Variants in RADIL observed in about 807,000 individuals in gnomAD.
RADIL encodes the protein Rap associating with DIL domain.
RADIL carries 99 observed loss-of-function variants against 97.6 expected under a neutral mutation model. The observed-to-expected ratio is 1.01, with a 90% CI of 0.86 to 1.20. The LOEUF (loss-of-function observed/expected upper bound fraction) is 1.20. Among genes scored for constraint, RADIL ranks in the 50% most tolerant of loss-of-function variants. The pLI is 0.00. For missense variants in RADIL, 1,765 were observed against 1,498.9 expected, an observed-to-expected ratio of 1.18 and a Z score of -2.93; for synonymous variants, 803 against 691.8, an observed-to-expected ratio of 1.16 and a Z score of -2.52.
rs528629447 is a variant in RADIL, at chr7:4,825,615, G to A, written c.1455-3061C>T. Among the ~76,000 whole-genome samples, 373 of 151,900 alleles carry A rather than the reference G, an allele frequency of 2.5e-3. 3 individuals are homozygous for A. The highest frequency in any genetic ancestry group is 8.7e-3 in the African/African-American group (359 of 41,462). On this transcript the variant is annotated intron_variant, in intron 5 of 14. Transcript: ENST00000399583. ...AAAAAAGCCGGGTGCGGTGGCTCAC[G>A]CCTGTAATCCCAGCACTTTGGGAGG...
intron 2 of RADIL, among the ~76,000 whole-genome samples, chr7:4,871,947 G>A (rs1217457644): frequency 1.3e-5 from 2 of 152,134 alleles, no homozygotes; most frequent in East Asian, 3.9e-4. Context: ...TCTTTACAAA[G>A]TGCGCATCCA....
At chr7:4,852,338 C>G (rs1256265699) in intron 2 of RADIL, among the ~76,000 whole-genome samples, 1 of 152,190 alleles carries the variant, frequency 6.6e-6, no homozygotes, top group African/African-American at 2.4e-5. Flanking sequence ...GAGACTACCC[C>G]AGGCCTTGGA....
chr7:4,833,696 G>T (rs1308183959), intron 4 of RADIL, among the ~76,000 whole-genome samples: 1 of 152,210 alleles, frequency 6.6e-6, no homozygotes, highest in Non-Finnish European at 1.5e-5. Flanking sequence ...GATAAGCGGG[G>T]CCCAGACTAG....
chr7:4,837,090 C>T lies in RADIL; in HGVS notation c.536-485G>A, dbSNP rs1022508040. On this transcript the variant is annotated intron_variant, in intron 2 of 14. Transcript: ENST00000399583. The surrounding 1 kb of genome is among the most constrained non-coding windows in gnomAD (Gnocchi z 5.6). ...GACTCTGCCCTCTAGCCACGCCCCT[C>T]GAAAAACCAGACAGTGCCTTGGCAC... 1.3e-5 allele frequency among the ~76,000 whole-genome samples: 2 copies of T among 152,178 alleles called. No homozygotes were observed. Among genetic ancestry groups the T allele is most frequent in the Non-Finnish European group, 2.9e-5 (2 of 68,026 alleles).
rs1174291241 is a variant in RADIL, at chr7:4,817,708, G to C, written c.1616-357C>G. 2.0e-5 allele frequency among the ~76,000 whole-genome samples: 3 copies of C among 152,184 alleles called. No homozygotes were observed. The highest frequency in any genetic ancestry group is 7.2e-5 in the African/African-American group (3 of 41,448). On this transcript the variant is annotated intron_variant, in intron 6 of 14. Coordinates refer to ENST00000399583, the MANE Select transcript of RADIL (RefSeq NM_018059.5). The surrounding 1 kb of genome is among the most constrained non-coding windows in gnomAD (Gnocchi z 8.3). ...AGCAGGTCCTAACTGCCTCCCCACA[G>C]GTCACCTCTCACTCGCGACACGGGT...
At chr7:4,874,865 C>G (rs1176791676) in intron 2 of RADIL, among the ~76,000 whole-genome samples, 1 of 152,132 alleles carries the variant, frequency 6.6e-6, no homozygotes, top group African/African-American at 2.4e-5. Flanking sequence ...CGAGACCAGC[C>G]TGGCCAACAT....
chr7:4,817,366 C>CCAA lies in RADIL; in HGVS notation c.1616-16_1616-15insTTG. 6.2e-7 allele frequency: 1 copy of CCAA among 1,606,068 alleles called. No homozygotes were observed. Among genetic ancestry groups the CCAA allele is most frequent in the Non-Finnish European group, 8.5e-7 (1 of 1,176,344 alleles). Reference sequence around the variant, plus strand: ...TTCCTTCGAGCCTGCCGGGAGACAGCCACGCCAATGGTCACAACGGGCACA... The same window carrying CCAA: ...TTCCTTCGAGCCTGCCGGGAGACAGCCAACACGCCAATGGTCACAACGGGCACA... On this transcript the variant is annotated splice_polypyrimidine_tract_variant and intron_variant, in intron 6 of 14. Transcript: ENST00000399583. The surrounding 1 kb of genome is among the most constrained non-coding windows in gnomAD (Gnocchi z 8.3).
At chr7:4,826,160 A>T (rs1226035751) in intron 5 of RADIL, among the ~76,000 whole-genome samples, 1 of 151,964 alleles carries the variant, frequency 6.6e-6, no homozygotes, top group Non-Finnish European at 1.5e-5. Context: ...GTGAGCTCTG[A>T]CTGTACCACT....
At position 4,858,354 on chromosome 7, in the gene RADIL, T is replaced by A. The variant is rs530984179; in HGVS notation, c.535+19251A>T. 6.6e-5 allele frequency: 10 copies of A among 152,358 alleles called. No homozygotes were observed. The South Asian group carries it at 2.1e-3, about 32-fold the overall frequency. 9.4% of individuals were successfully genotyped at this position (152,358 alleles called of 1,614,324 possible). ...TAGATTAAGAAAGACTCAACTTTCA[T>A]TCATTCACATCTGTTGCCCCTCACA... On this transcript the variant is annotated intron_variant, in intron 2 of 14. Coordinates refer to ENST00000399583, the MANE Select transcript of RADIL (RefSeq NM_018059.5).
At chr7:4,877,019 A>G (rs141433993) in intron 2 of RADIL, among the ~76,000 whole-genome samples, 296 of 152,350 alleles carry the variant, frequency 1.9e-3, no homozygotes, top group African/African-American at 6.8e-3. Flanking sequence ...GCTATGGTCA[A>G]TGAGATGACT....
intron 2 of RADIL, among the ~76,000 whole-genome samples, chr7:4,865,214 A>T (rs1168541584): frequency 6.6e-6 from 1 of 152,218 alleles, no homozygotes; most frequent in African/African-American, 2.4e-5. Context: ...CCCATTCCAA[A>T]TGAGCACATG....
In RADIL at chr7:4,798,580, C is replaced by A; in HGVS notation, c.*798G>T. 1 of 152,846 alleles carries A rather than the reference C, an allele frequency of 6.5e-6. No individual in the cohort carries two copies. The highest frequency in any genetic ancestry group is 1.9e-4 in the South Asian group (1 of 5,216). 9.5% of individuals were successfully genotyped at this position (152,846 alleles called of 1,614,324 possible). A position where few individuals can be genotyped will look rare whatever the true frequency, so the allele number is the denominator to read the frequency against. Reference sequence around the variant, plus strand: ...GCCCTGCCCTGGTCCTGCGCATGGTCAGCCAGCTGGTGGAGAGGGACGCTG... The same window carrying A: ...GCCCTGCCCTGGTCCTGCGCATGGTAAGCCAGCTGGTGGAGAGGGACGCTG... On this transcript the variant is annotated 3_prime_UTR_variant, in exon 15 of 15. Transcript: ENST00000399583.
At chr7:4,881,354 G>A (rs1271294193) in intron 1 of RADIL, among the ~76,000 whole-genome samples, 1 of 147,600 alleles carries the variant, frequency 6.8e-6, no homozygotes, top group Non-Finnish European at 1.5e-5. Context: ...GGCGGAGCTT[G>A]CAGTGAGCCA....
intron 2 of RADIL, among the ~76,000 whole-genome samples, chr7:4,862,691 AGGAGTTGGAGACCAGCCTCAACAT>A (rs578093998): frequency 2.4e-3 from 373 of 152,288 alleles, no homozygotes; most frequent in Middle Eastern, 6.8e-3. Flanking sequence ...ACCTGAGGTC[AGGAGTTGGAGACCAGCCTCAACAT>A]GGAGAAACCC....
At chr7:4,805,984 G>C in intron 9 of RADIL, 1 of 985,472 alleles carries the variant, frequency 1.0e-6, no homozygotes, top group Non-Finnish European at 1.2e-6. Flanking sequence ...GCAAGGGCCG[G>C]CCTCACAGGC....
In RADIL at chr7:4,819,496, A is replaced by C. The variant is rs940706358; in HGVS notation, c.1616-2145T>G. ...AGCCGGCTGCCCCTGCCCTGCCCCG[A>C]AACTCCAGGACCCCTGAGGAAGCTG... On this transcript the variant is annotated intron_variant, in intron 6 of 14. Transcript: ENST00000399583. This position sits in a 1 kb window ranked among gnomAD's most constrained non-coding sequence, Gnocchi z 5.8. Among the ~76,000 whole-genome samples, 2 of 152,028 alleles carry C rather than the reference A, an allele frequency of 1.3e-5. No individual in the cohort carries two copies. Among genetic ancestry groups the C allele is most frequent in the African/African-American group, 4.8e-5 (2 of 41,382 alleles).
intron 1 of RADIL, among the ~76,000 whole-genome samples, chr7:4,881,518 G>C (rs1430964972): frequency 2.0e-5 from 3 of 151,574 alleles, no homozygotes; most frequent in African/African-American, 4.9e-5. Context: ...CTTGAGGTCA[G>C]GAGTTCAAGA....
In RADIL at chr7:4,835,112, G is replaced by C. The variant is rs753555428; in HGVS notation, c.911C>G (p.Pro304Arg). The stretch of plus-strand genomic sequence containing the variant: ...CGCGGCCTGGCCGCTGTCCGGGAGC[G>C]GTTGCCGGCGGATGGTGCAGTGTAG... ...LPLHCTIRRQ[P>R]LPDSGQAAGR... Residue 304 changes from proline to arginine, a missense_variant, in exon 4 of 15, where the codon CCG (proline) becomes CGG (arginine). Coordinates refer to ENST00000399583, the MANE Select transcript of RADIL (RefSeq NM_018059.5). The surrounding 1 kb of genome is among the most constrained non-coding windows in gnomAD (Gnocchi z 5.8). 4.4e-6 allele frequency: 7 copies of C among 1,608,770 alleles called. No individual in the cohort carries two copies. The highest frequency in any genetic ancestry group is 1.7e-4 in the Middle Eastern group (1 of 6,056).
chr7:4,847,367 A>G (rs899488116), intron 2 of RADIL, among the ~76,000 whole-genome samples: 2 of 152,174 alleles, frequency 1.3e-5, no homozygotes, highest in Non-Finnish European at 2.9e-5. Context: ...GAGTGCAGAA[A>G]GACTGGACCC....
Sources: gnomAD v4.1 joint callset for allele counts (sites outside exome capture counted in the v4.1 genomes callset) on GRCh38, gnomAD v4.1.1 for gene constraint, Gnocchi (gnomAD v3.1) non-coding constraint, MANE v1.5 for transcripts, NCBI Gene and HGNC (gene_info 2026-07-23, HGNC 2026-07-21) for gene names.